The following MAP4 variants were observed in gnomAD, a reference collection of about 807,000 sequenced individuals.
The protein encoded by MAP4 is microtubule associated protein 4.
In MAP4, 76 loss-of-function variants were observed where a neutral mutation model predicts 170.2. The observed-to-expected ratio is 0.45, with a 90% CI of 0.37 to 0.54. MAP4 has a LOEUF of 0.54. Among genes scored for constraint, MAP4 ranks in the 20% least tolerant of loss-of-function variants. The pLI is 0.00. For synonymous variants in MAP4, 909 were observed against 994.5 expected (o/e 0.91, Z 1.62); for missense variants, 2,506 against 2,748.0 (o/e 0.91, Z 1.97).
At chr3:48,086,575 T>C (rs1167594940) in intron 1 of MAP4, among the ~76,000 whole-genome samples, 2 of 151,390 alleles carry the variant, frequency 1.3e-5, no homozygotes, top group Non-Finnish European at 2.9e-5. Flanking sequence ...GGAGGTAGAG[T>C]CTGCAGTGAG....
chr3:47,894,321 G>A (rs947057049), intron 10 of MAP4, among the ~76,000 whole-genome samples: 3 of 152,166 alleles, frequency 2.0e-5, no homozygotes, highest in African/African-American at 4.8e-5. Context: ...GGTGGCTCAC[G>A]CCTGTAATCC....
intron 19 of MAP4, chr3:47,854,994 G>A (rs1024591831): frequency 8.4e-6 from 4 of 475,824 alleles, no homozygotes; most frequent in African/African-American, 1.9e-5. Flanking sequence ...GGCTCAATTA[G>A]GAAGGCCATG....
rs78392484 is a variant in MAP4 at position 48,032,045 on chromosome 3, T to A, written c.-19-33166A>T. 4.2e-3 allele frequency among the ~76,000 whole-genome samples: 646 copies of A among 152,048 alleles called. 5 individuals are homozygous for A. Among genetic ancestry groups the A allele is most frequent in the African/African-American group, 0.014 (590 of 41,454 alleles). On this transcript the variant is annotated intron_variant, in intron 1 of 18. Transcript: ENST00000360240. ...AATCATGAGAAAAAGATCAGACAAC[T>A]CCCAACTGAAGGACACTCTACAAAA...
At chr3:47,981,642 T>G (rs2100085480) in intron 2 of MAP4, among the ~76,000 whole-genome samples, 2 of 151,272 alleles carry the variant, frequency 1.3e-5, no homozygotes, top group African/African-American at 4.9e-5. Context: ...TAGTGGCGTG[T>G]GAATCACAAC....
chr3:48,056,757 T>C (rs1164818892), intron 1 of MAP4, among the ~76,000 whole-genome samples: 5 of 33,524 alleles, frequency 1.5e-4, no homozygotes, highest in African/African-American at 5.4e-4. Context: ...GAGGAGCCCC[T>C]CTGCCCGGCC....
intron 1 of MAP4, among the ~76,000 whole-genome samples, chr3:48,025,068 A>C (rs529119905): frequency 4.6e-4 from 70 of 152,188 alleles, no homozygotes; most frequent in African/African-American, 1.7e-3. Flanking sequence ...TTGCAAAAAG[A>C]AAAGAATTCT....
chr3:47,872,551 G>A (rs1315987804), intron 12 of MAP4, among the ~76,000 whole-genome samples: 1 of 152,124 alleles, frequency 6.6e-6, no homozygotes, highest in East Asian at 1.9e-4. Flanking sequence ...CTACTGACAG[G>A]AAAATACATA....
At chr3:47,991,911 TC>T (rs1316466638) in intron 2 of MAP4, among the ~76,000 whole-genome samples, 1 of 151,650 alleles carries the variant, frequency 6.6e-6, no homozygotes, top group Admixed American at 6.6e-5. Flanking sequence ...CCTCAGGTGA[TC>T]CACCCGCCTC....
intron 1 of MAP4, among the ~76,000 whole-genome samples, chr3:48,062,754 C>T (rs2100136484): frequency 6.6e-6 from 1 of 151,182 alleles, no homozygotes; most frequent in Admixed American, 6.6e-5. Context: ...GAAACCCCAT[C>T]TCTACTAAAA....
chr3:48,014,312 C>T lies in MAP4; in HGVS notation c.-20+2022G>A, dbSNP rs546806723. The stretch of plus-strand genomic sequence containing the variant: ...TCATTCGCATCTAGAGCCACTCACT[C>T]GGGGTCTGTGCTCATTCTGTCTGAT... On this transcript the variant is annotated intron_variant, in intron 1 of 20. Coordinates refer to ENST00000683076, the MANE Select transcript of MAP4 (RefSeq NM_001385682.1). Among the ~76,000 whole-genome samples the T allele has an allele frequency of 5.9e-5, 9 of 152,284 alleles. No individual in the cohort carries two copies. In the East Asian group the frequency reaches 1.2e-3, roughly 20 times the overall value.
At chr3:47,915,075 T>C (rs911316902) in intron 7 of MAP4, 136 bp from the exon 8 acceptor site, 1 of 1,022,592 alleles carries the variant, frequency 9.8e-7, no homozygotes, top group Non-Finnish European at 1.5e-6. Flanking sequence ...GAAGTGGTAG[T>C]TGGAAGCTGA....
chr3:47,878,434 T>C (rs1171348010), intron 10 of MAP4, among the ~76,000 whole-genome samples: 1 of 152,000 alleles, frequency 6.6e-6, no homozygotes, highest in Non-Finnish European at 1.5e-5. Context: ...ACTGGGAAAA[T>C]GCAAAACAAT....
intron 10 of MAP4, among the ~76,000 whole-genome samples, chr3:47,885,003 T>C (rs752039960): frequency 2.0e-5 from 3 of 152,136 alleles, no homozygotes; most frequent in Non-Finnish European, 4.4e-5. Flanking sequence ...ATGGGCTGCA[T>C]TGACACTGTA....
chr3:47,949,465 C>CAAAAAAAAAAAAAAAAAAAA, intron 3 of MAP4, among the ~76,000 whole-genome samples: 1 of 70,890 alleles, frequency 1.4e-5, no homozygotes, highest in Non-Finnish European at 2.6e-5. Flanking sequence ...GACTGCGTCC[C>CAAAAAAAAAAAAAAAAAAAA]AAAAAAAAAA....
At position 47,916,483 on chromosome 3, in the gene MAP4, C is replaced by T; in HGVS notation, c.1344G>A (p.Arg448=). ...LSSETEVALA[R]DMTLPPETNV... is the part of the protein sequence containing the mutation. ...TGGTTTCCGGGGGCAGTGTCATGTCCCTGGCCAGGGCTACCTCTGTTTCTG... is the reference window on the plus strand; with the variant it reads ...TGGTTTCCGGGGGCAGTGTCATGTCTCTGGCCAGGGCTACCTCTGTTTCTG... The change falls in exon 7 of 21, where the codon AGG becomes AGA. Residue 448 remains arginine, a synonymous_variant. Transcript: ENST00000683076. 2 of 1,614,162 alleles carry T rather than the reference C, an allele frequency of 1.2e-6. No homozygotes were observed. The highest frequency in any genetic ancestry group is 1.7e-6 in the Non-Finnish European group (2 of 1,180,026).
chr3:48,027,781 T>C, intron 1 of MAP4, among the ~76,000 whole-genome samples: 1 of 152,172 alleles, frequency 6.6e-6, no homozygotes, highest in Non-Finnish European at 1.5e-5. Flanking sequence ...AAGGCTGCAG[T>C]GAGCCATGAT....
intron 3 of MAP4, among the ~76,000 whole-genome samples, chr3:47,976,020 C>A (rs1172702746): frequency 6.6e-6 from 1 of 152,172 alleles, no homozygotes; most frequent in Non-Finnish European, 1.5e-5. Flanking sequence ...AAACTCCCAA[C>A]CTCAGGTGAT....
At position 47,993,164 on chromosome 3, in the gene MAP4, G is replaced by C. The variant is rs1264663542; in HGVS notation, c.223+5474C>G. Among the ~76,000 whole-genome samples the C allele has an allele frequency of 2.6e-5, 4 of 152,084 alleles. No individual in the cohort carries two copies. In the East Asian group the frequency reaches 7.7e-4, roughly 29 times the overall value. ...TCAGTAGTTTACACATGAATAACTT[G>C]TTTTAAGACATCAGCCAGATGCAGT... On this transcript the variant is annotated intron_variant, in intron 2 of 20. Transcript: ENST00000683076.
intron 17 of MAP4, among the ~76,000 whole-genome samples, chr3:47,864,965 T>G (rs2076890170): frequency 6.6e-6 from 1 of 152,074 alleles, no homozygotes; most frequent in South Asian, 2.1e-4. Flanking sequence ...TGACAGAGAT[T>G]ATGGAAGGAA....
Sources: gnomAD v4.1 joint callset for allele counts (sites outside exome capture counted in the v4.1 genomes callset) on GRCh38, gnomAD v4.1.1 for gene constraint, MANE v1.5 for transcripts, NCBI Gene and HGNC (gene_info 2026-07-23, HGNC 2026-07-21) for gene names.